Variants in SLC38A6 observed in about 807,000 individuals in gnomAD.
SLC38A6 encodes N system amino acid transporter NAT-1.
Under a neutral mutation model 65.0 loss-of-function variants are expected in SLC38A6, and 73 were observed. The observed-to-expected ratio is 1.12, with a 90% CI of 0.93 to 1.37. SLC38A6 has a LOEUF of 1.37. SLC38A6 is among the 40% of genes most tolerant of loss of function. The pLI, the probability that SLC38A6 is intolerant of heterozygous loss-of-function variation, is 0.00. For synonymous variants in SLC38A6, 183 were observed against 178.8 expected (o/e 1.02, Z -0.19); for missense variants, 561 against 531.1 (o/e 1.06, Z -0.55).
chr14:61,067,896 T>C (rs1387716194), intron 15 of SLC38A6, among the ~76,000 whole-genome samples: 2 of 152,184 alleles, frequency 1.3e-5, no homozygotes. Context: ...TTCTTCATCA[T>C]ACTTACATTT....
At chr14:61,033,251 A>G (rs191987420) in intron 6 of SLC38A6, among the ~76,000 whole-genome samples, 2 of 152,130 alleles carry the variant, frequency 1.3e-5, no homozygotes, top group East Asian at 3.9e-4. Context: ...AATGAAATTA[A>G]AGCGACTTAT....
rs572798683 is a variant in SLC38A6, at chr14:61,013,025, C to G, written c.311-2879C>G. Reference sequence around the variant, plus strand: ...TATTATTGTGTGGGAGTCTAAGTCTCTTTGTAGGTCTCTAAGGACTTGCTT... The same window carrying G: ...TATTATTGTGTGGGAGTCTAAGTCTGTTTGTAGGTCTCTAAGGACTTGCTT... On this transcript the variant is annotated intron_variant, in intron 3 of 15. Coordinates refer to ENST00000267488, the MANE Select transcript of SLC38A6 (RefSeq NM_153811.3). 2.0e-5 allele frequency among the ~76,000 whole-genome samples: 3 copies of G among 152,244 alleles called. No homozygotes were observed. The East Asian group carries it at 5.8e-4, about 29-fold the overall frequency.
At chr14:61,002,106 A>G (rs1448096743) in intron 3 of SLC38A6, 1 of 152,214 alleles carries the variant, frequency 6.6e-6, no homozygotes, top group Non-Finnish European at 1.5e-5. Flanking sequence ...GCTAAGTAGT[A>G]TACTGAGATC....
chr14:61,067,055 A>G (rs930754658), intron 15 of SLC38A6, among the ~76,000 whole-genome samples: 1 of 152,202 alleles, frequency 6.6e-6, no homozygotes, highest in Admixed American at 6.5e-5. Context: ...GACCAACTTG[A>G]TAAGTGAAAT....
chr14:60,982,576 C>G lies in SLC38A6; in HGVS notation c.174C>G (p.Ile58Met), dbSNP rs373191850. The stretch of plus-strand genomic sequence containing the variant: ...CAGTGTTTAATTTGATGAATGCCAT[C>G]ATGGGAAGTGGCATCCTTGGCTTAG... The part of the protein sequence containing the change: ...GLSVFNLMNA[I>M]MGSGILGLAY... The change falls in exon 2 of 16, where the codon ATC becomes ATG. Residue 58 changes from isoleucine (I) to methionine (M), a missense_variant. By Grantham distance (10) the Ile-to-Met change is conservative. Transcript: ENST00000267488. 1 of 1,613,822 alleles carries G rather than the reference C, an allele frequency of 6.2e-7. No homozygotes were observed. The highest frequency in any genetic ancestry group is 1.3e-5 in the African/African-American group (1 of 74,918).
intron 2 of SLC38A6, 72 bp from the exon 3 acceptor site, chr14:60,984,658 T>G: frequency 7.9e-7 from 1 of 1,268,326 alleles, no homozygotes. Context: ...AAGCAATTTG[T>G]TTTTGTAATG....
intron 12 of SLC38A6, among the ~76,000 whole-genome samples, chr14:61,050,087 C>T (rs1245842398): frequency 6.6e-6 from 1 of 152,148 alleles, no homozygotes; most frequent in Non-Finnish European, 1.5e-5. Context: ...AGGTGTATGG[C>T]ACTGCCCCTT....
At chr14:61,042,705 C>T (rs1189750036) in intron 8 of SLC38A6, among the ~76,000 whole-genome samples, 2 of 152,216 alleles carry the variant, frequency 1.3e-5, no homozygotes, top group Admixed American at 6.5e-5. Context: ...AATCCCTGAG[C>T]TCCTTCTGAG....
At chr14:61,001,202 G>T (rs962223251) in intron 3 of SLC38A6, among the ~76,000 whole-genome samples, 6 of 152,188 alleles carry the variant, frequency 3.9e-5, no homozygotes, top group Non-Finnish European at 1.5e-5. Flanking sequence ...GGGGCTATTG[G>T]CAGGTAGTGG....
At chr14:61,051,745 GAC>G in intron 13 of SLC38A6, 40 bp from the exon 14 acceptor site, 1 of 1,601,754 alleles carries the variant, frequency 6.2e-7, no homozygotes, top group Non-Finnish European at 8.5e-7. Flanking sequence ...TCTGGACTTT[GAC>G]ATTTCCTCTT....
intron 3 of SLC38A6, among the ~76,000 whole-genome samples, chr14:60,998,990 A>T (rs2038499801): frequency 6.6e-6 from 1 of 152,274 alleles, no homozygotes; most frequent in African/African-American, 2.4e-5. Flanking sequence ...GGCAAGAGAG[A>T]ATATTCCAGC....
At chr14:60,985,694 A>T (rs1053509364) in intron 3 of SLC38A6, among the ~76,000 whole-genome samples, 3 of 152,222 alleles carry the variant, frequency 2.0e-5, no homozygotes, top group Non-Finnish European at 4.4e-5. Flanking sequence ...GTTTCTATAA[A>T]AGAATACCTG....
chr14:61,044,354 C>A (rs949958836), intron 10 of SLC38A6, among the ~76,000 whole-genome samples: 1 of 152,120 alleles, frequency 6.6e-6, no homozygotes. Flanking sequence ...GAGATTACCA[C>A]ATCTTTTACA....
chr14:61,045,637 A>T (rs912477344), intron 11 of SLC38A6, among the ~76,000 whole-genome samples: 1 of 152,114 alleles, frequency 6.6e-6, no homozygotes, highest in African/African-American at 2.4e-5. Context: ...TAATCCCAGC[A>T]CTTTGGGAGG....
chr14:61,001,198 A>G (rs577284151), intron 3 of SLC38A6, among the ~76,000 whole-genome samples: 1 of 152,250 alleles, frequency 6.6e-6, no homozygotes, highest in Non-Finnish European at 1.5e-5. Context: ...GCAAGGGGCT[A>G]TTGGCAGGTA....
intron 5 of SLC38A6, among the ~76,000 whole-genome samples, chr14:61,023,346 G>C (rs2040437664): frequency 6.6e-6 from 1 of 152,096 alleles, no homozygotes; most frequent in East Asian, 1.9e-4. Flanking sequence ...CAAAGTGGGA[G>C]GATTGCCTGA....
chr14:61,015,790 C>G (rs1365427752), intron 3 of SLC38A6, 114 bp from the exon 4 acceptor site: 4 of 682,460 alleles, frequency 5.9e-6, no homozygotes, highest in East Asian at 2.9e-5. Flanking sequence ...CCTGATTGGC[C>G]TGGATCATAA....
At chr14:61,019,393 A>G (rs927555395) in intron 4 of SLC38A6, 148 bp from the exon 5 acceptor site, 1 of 613,864 alleles carries the variant, frequency 1.6e-6, no homozygotes, top group East Asian at 2.8e-5. Flanking sequence ...AATTTTATGT[A>G]TTTCAAATGA....
At chr14:61,021,152 A>G (rs1015108382) in intron 5 of SLC38A6, among the ~76,000 whole-genome samples, 1 of 152,094 alleles carries the variant, frequency 6.6e-6, no homozygotes, top group African/African-American at 2.4e-5. Context: ...AGTATGCCTC[A>G]TTTCTCTTTG....
Sources: gnomAD v4.1 joint callset for allele counts (sites outside exome capture counted in the v4.1 genomes callset) on GRCh38, gnomAD v4.1.1 for gene constraint, MANE v1.5 for transcripts, NCBI Gene and HGNC (gene_info 2026-07-23, HGNC 2026-07-21) for gene names.